ATP6V0D2: variants seen among roughly 807,000 people sequenced by gnomAD.
ATP6V0D2 encodes the protein ATPase H+ transporting V0 subunit d2, also known as V-type proton ATPase subunit d 2.
In ATP6V0D2, 40 loss-of-function variants were observed where a neutral mutation model predicts 40.0. That is an observed-to-expected ratio of 1.00 (90% CI 0.78 to 1.30). The LOEUF (loss-of-function observed/expected upper bound fraction) is 1.30, where lower values mean the gene tolerates loss of function less well. Among genes scored for constraint, ATP6V0D2 ranks in the 50% most tolerant of loss-of-function variants. The probability of loss-of-function intolerance (pLI) is 0.00; values close to 1 mark genes in which losing one functional copy is unlikely to be tolerated. For missense variants in ATP6V0D2, 470 were observed against 423.1 expected (o/e 1.11, Z -0.97); for synonymous variants, 179 against 156.3 (o/e 1.15, Z -1.08).
At chr8:86,144,101 C>G (rs540535047) in intron 5 of ATP6V0D2, among the ~76,000 whole-genome samples, 2 of 152,306 alleles carry the variant, frequency 1.3e-5, no homozygotes, top group Admixed American at 1.3e-4. Flanking sequence ...ATCTACCTCT[C>G]TAGCTGATGT....
intron 2 of ATP6V0D2, among the ~76,000 whole-genome samples, chr8:86,139,194 C>T (rs1254562446): frequency 1.4e-5 from 2 of 147,466 alleles, no homozygotes; most frequent in African/African-American, 5.0e-5. Flanking sequence ...GGCCACTGCA[C>T]TCCAGTCAGG....
intron 2 of ATP6V0D2, among the ~76,000 whole-genome samples, chr8:86,122,019 A>G (rs1818677789): frequency 6.6e-6 from 1 of 152,222 alleles, no homozygotes. Flanking sequence ...GTATACTATA[A>G]TTATACACAG....
At chr8:86,126,236 CTATATATATATATATA>C (rs60590702) in intron 2 of ATP6V0D2, among the ~76,000 whole-genome samples, 4 of 77,150 alleles carry the variant, frequency 5.2e-5, no homozygotes, top group Non-Finnish European at 8.8e-5. Context: ...CGTGCTCAGC[CTATATATATATATATA>C]TATATATATA....
intron 2 of ATP6V0D2, among the ~76,000 whole-genome samples, chr8:86,115,601 C>T (rs760550783): frequency 4.0e-5 from 6 of 151,690 alleles, no homozygotes; most frequent in Admixed American, 6.6e-5. Context: ...AGCTTCCAAC[C>T]GCAGGTAATC....
intron 2 of ATP6V0D2, among the ~76,000 whole-genome samples, chr8:86,132,070 T>C (rs890253607): frequency 6.6e-6 from 1 of 152,114 alleles, no homozygotes; most frequent in African/African-American, 2.4e-5. Flanking sequence ...GGGTTCCCCT[T>C]ATCACCTCCT....
chr8:86,145,362 GAAGGAAGGAAGGAAAGA>G lies in ATP6V0D2; in HGVS notation c.639+2411_639+2427del, dbSNP rs1315039717. ...GGAAAGAAGGAAAGAAGGAAGGAAGGAAGGAAGGAAGGAAAGAAAAGAAAAGAAAAGAAAAGAAAAGA... is the reference window on the plus strand; with the variant it reads ...GGAAAGAAGGAAAGAAGGAAGGAAGGAAAGAAAAGAAAAGAAAAGAAAAGA... On this transcript the variant is annotated intron_variant, in intron 5 of 7. Coordinates refer to ENST00000285393, the MANE Select transcript of ATP6V0D2 (RefSeq NM_152565.1). Among the ~76,000 whole-genome samples, 533 of 91,760 alleles carry G rather than the reference GAAGGAAGGAAGGAAAGA, an allele frequency of 5.8e-3. 4 individuals carry two copies. The highest frequency in any genetic ancestry group is 0.022 in the African/African-American group (503 of 22,888). 60.2% of individuals were successfully genotyped at this position (91,760 alleles called of 152,430 possible).
chr8:86,127,243 T>G (rs1370959804), intron 2 of ATP6V0D2, among the ~76,000 whole-genome samples: 1 of 152,172 alleles, frequency 6.6e-6, no homozygotes. Context: ...GCATATGTGG[T>G]TAGTGCTGGA....
chr8:86,151,686 C>G, intron 7 of ATP6V0D2, 146 bp downstream of exon 7: 1 of 608,592 alleles, frequency 1.6e-6, no homozygotes, highest in Non-Finnish European at 2.9e-6. Context: ...TGTATTATTG[C>G]TACAAAGTTA....
chr8:86,121,939 A>T (rs1180226544), intron 2 of ATP6V0D2, among the ~76,000 whole-genome samples: 1 of 152,230 alleles, frequency 6.6e-6, no homozygotes, highest in Non-Finnish European at 1.5e-5. Context: ...TGTACATGTG[A>T]AACTTATTTT....
chr8:86,147,177 T>TGAAG (rs1819082300), intron 5 of ATP6V0D2, among the ~76,000 whole-genome samples: 1 of 152,148 alleles, frequency 6.6e-6, no homozygotes, highest in African/African-American at 2.4e-5. Context: ...CTGGGCTCCA[T>TGAAG]TCCAGTTCAC....
At chr8:86,148,132 G>A (rs1424251768) in intron 5 of ATP6V0D2, among the ~76,000 whole-genome samples, 1 of 152,150 alleles carries the variant, frequency 6.6e-6, no homozygotes, top group Admixed American at 6.6e-5. Context: ...GAATCTGAGA[G>A]CACATTAAAG....
chr8:86,140,822 A>T (rs1239503323), intron 3 of ATP6V0D2, among the ~76,000 whole-genome samples: 1 of 152,116 alleles, frequency 6.6e-6, no homozygotes, highest in Non-Finnish European at 1.5e-5. Context: ...AACACATTAC[A>T]TTTATTGCGC....
chr8:86,117,108 T>C (rs1246261431), intron 2 of ATP6V0D2, among the ~76,000 whole-genome samples: 1 of 152,216 alleles, frequency 6.6e-6, no homozygotes, highest in African/African-American at 2.4e-5. Context: ...TCATAATATA[T>C]GTTGCAAAAC....
intron 4 of ATP6V0D2, 29 bp from the exon 5 acceptor site, chr8:86,142,848 A>G: frequency 2.9e-6 from 4 of 1,387,386 alleles, no homozygotes; most frequent in Non-Finnish European, 4.1e-6. Flanking sequence ...TATTCATTAT[A>G]TCACTTTATG....
intron 2 of ATP6V0D2, among the ~76,000 whole-genome samples, chr8:86,126,638 A>G (rs1818748889): frequency 6.6e-6 from 1 of 151,990 alleles, no homozygotes; most frequent in Non-Finnish European, 1.5e-5. Flanking sequence ...TAGAAAATTT[A>G]TTTCACCCCA....
In ATP6V0D2 at chr8:86,106,200, A is replaced by G. The variant is rs961939599; in HGVS notation, c.130+7092A>G. 5.3e-5 allele frequency among the ~76,000 whole-genome samples: 8 copies of G among 151,820 alleles called. 1 individual carries two copies. In the Middle Eastern group the frequency reaches 0.01, roughly 194 times the overall value. ...GAATGCAGTAGTGGGTAGCGTGATC[A>G]TGGCTCAATGCAGCCTCAATCTCCT... On this transcript the variant is annotated intron_variant, in intron 1 of 7. Transcript: ENST00000285393.
intron 1 of ATP6V0D2, among the ~76,000 whole-genome samples, chr8:86,099,914 C>T (rs2130218980): frequency 6.6e-6 from 1 of 152,242 alleles, no homozygotes; most frequent in East Asian, 1.9e-4. Context: ...CTTCACCAAA[C>T]TGCCAAGGGA....
rs1313510768 is a variant in ATP6V0D2, at chr8:86,124,697, T to C, written c.302+10817T>C. Among the ~76,000 whole-genome samples the C allele has an allele frequency of 2.6e-5, 4 of 152,146 alleles. No individual in the cohort carries two copies. In the East Asian group the frequency reaches 7.7e-4, roughly 29 times the overall value. Reference sequence around the variant, plus strand: ...TACAATATAGAGTTGTGAGTTTAATTTAAAAACAGAACCAGATACATAGTT... The same window carrying C: ...TACAATATAGAGTTGTGAGTTTAATCTAAAAACAGAACCAGATACATAGTT... On this transcript the variant is annotated intron_variant, in intron 2 of 7. Coordinates refer to ENST00000285393, the MANE Select transcript of ATP6V0D2 (RefSeq NM_152565.1).
intron 2 of ATP6V0D2, among the ~76,000 whole-genome samples, chr8:86,127,290 A>G (rs1312778370): frequency 6.6e-6 from 1 of 152,218 alleles, no homozygotes; most frequent in East Asian, 1.9e-4. Context: ...AATGTTTACC[A>G]ATGTAATCAA....
Sources: gnomAD v4.1 joint callset for allele counts (sites outside exome capture counted in the v4.1 genomes callset) on GRCh38, gnomAD v4.1.1 for gene constraint, MANE v1.5 for transcripts, NCBI Gene and HGNC (gene_info 2026-07-23, HGNC 2026-07-21) for gene names.